The following BPI variants were observed in gnomAD, a reference collection of about 807,000 sequenced individuals.
BPI encodes bactericidal permeability increasing protein.
Under a neutral mutation model 57.6 loss-of-function variants are expected in BPI, and 48 were observed. The ratio of observed to expected loss-of-function variants is 0.83; its 90% CI spans 0.66 to 1.06. BPI has a LOEUF of 1.06. Among genes scored for constraint, BPI ranks in the 50% least tolerant of loss-of-function variants. The pLI is 0.00. For missense variants in BPI, 651 were observed against 609.7 expected, an observed-to-expected ratio of 1.07 and a Z score of -0.71; for synonymous variants, 237 against 238.2, an observed-to-expected ratio of 0.99 and a Z score of 0.05.
chr20:38,307,548 C>G lies in BPI; in HGVS notation c.131-19C>G. The G allele has an allele frequency of 6.3e-7, 1 of 1,585,250 alleles. No individual in the cohort carries two copies. Among genetic ancestry groups the G allele is most frequent in the South Asian group, 1.1e-5 (1 of 87,850 alleles). On this transcript the variant is annotated intron_variant, in intron 1 of 14. Transcript: ENST00000642449. ...TCCAGGCTGTGCCTCTCACTGTCAC[C>G]CCTGCCTTCTCCCTTCAGCCAGCCA...
intron 12 of BPI, among the ~76,000 whole-genome samples, chr20:38,332,537 G>T (rs1050441327): frequency 1.2e-4 from 18 of 152,108 alleles, no homozygotes; most frequent in Non-Finnish European, 2.9e-5. Flanking sequence ...GGCACAGTGG[G>T]GTATAACATG....
intron 7 of BPI, among the ~76,000 whole-genome samples, chr20:38,322,601 C>T (rs137912246): frequency 2.4e-4 from 36 of 152,292 alleles, no homozygotes; most frequent in African/African-American, 8.2e-4. Flanking sequence ...CTAGTCAGTA[C>T]ATAGGTCCAT....
rs1260660863 is a variant in BPI, at chr20:38,314,636, G to C, written c.600+2699G>C. Among the ~76,000 whole-genome samples, 5 of 148,820 alleles carry C rather than the reference G, an allele frequency of 3.4e-5. No individual in the cohort carries two copies. The East Asian group carries it at 1.0e-3, about 30-fold the overall frequency. ...TGGTGATGGTGGGGATGATGATGGT[G>C]GTGATGGTGATGGTGGGGATGATGA... On this transcript the variant is annotated intron_variant, in intron 5 of 14. Coordinates refer to ENST00000642449, the MANE Select transcript of BPI (RefSeq NM_001725.3).
Position 38,318,122 on chromosome 20 carries a change from A to C in BPI, c.601-291A>C, listed in dbSNP as rs1049436677. 393 of 460,514 alleles carry C rather than the reference A, an allele frequency of 8.5e-4. 1 individual carries two copies. Among genetic ancestry groups the C allele is most frequent in the Non-Finnish European group, 9.6e-4 (344 of 357,334 alleles). 28.5% of individuals were successfully genotyped at this position (460,514 alleles called of 1,614,324 possible). ...GAAAAAACAAAACAACAACAGCAAC[A>C]AAAAAAAAAAACCTTATAAAATAGA... On this transcript the variant is annotated intron_variant, in intron 5 of 14. Coordinates refer to ENST00000642449, the MANE Select transcript of BPI (RefSeq NM_001725.3).
chr20:38,337,064 C>T (rs1490092537), intron 14 of BPI, 82 bp from the exon 15 acceptor site: 2 of 1,443,592 alleles, frequency 1.4e-6, no homozygotes, highest in Non-Finnish European at 1.9e-6. Context: ...CCCAAAATGT[C>T]CTTCTTAAAA....
chr20:38,333,075 C>T lies in BPI; in HGVS notation c.1273-1355C>T, dbSNP rs1359801036. Among the ~76,000 whole-genome samples, 3 of 152,152 alleles carry T rather than the reference C, an allele frequency of 2.0e-5. No homozygotes were observed. In the East Asian group the frequency reaches 5.8e-4, roughly 29 times the overall value. ...AAGCCCTCCAACCCCAAAGTCATAC[C>T]GTCCCAGTGTCCCCTTCAAATCTGA... On this transcript the variant is annotated intron_variant, in intron 12 of 14. Coordinates refer to ENST00000642449, the MANE Select transcript of BPI (RefSeq NM_001725.3).
chr20:38,304,312 C>T lies in BPI; in HGVS notation c.89C>T (p.Pro30Leu). ...ACCGCCGTGACAGCGGCCGTCAACCCTGGCGTCGTGGTCAGGATCTCCCAG... is the reference window on the plus strand; with the variant it reads ...ACCGCCGTGACAGCGGCCGTCAACCTTGGCGTCGTGGTCAGGATCTCCCAG... ...IGTAVTAAVN[P>L]GVVVRISQKG... Residue 30 changes from proline (P) to leucine (L), a missense_variant, in exon 1 of 15, where the codon CCT becomes CTT. Physicochemically the swap from Pro to Leu is moderately conservative, Grantham distance 98. Transcript: ENST00000642449. 1 of 1,614,152 alleles carries T rather than the reference C, an allele frequency of 6.2e-7. No homozygotes were observed. Among genetic ancestry groups the T allele is most frequent in the Non-Finnish European group, 8.5e-7 (1 of 1,180,040 alleles).
chr20:38,305,264 A>C (rs1039871273), intron 1 of BPI, among the ~76,000 whole-genome samples: 9 of 152,238 alleles, frequency 5.9e-5, no homozygotes, highest in African/African-American at 2.2e-4. Flanking sequence ...GCCACAGAAG[A>C]CAGAAGAGCT....
chr20:38,337,434 G>A lies in BPI; in HGVS notation c.*250G>A, dbSNP rs1357253718. 3 of 376,414 alleles carry A rather than the reference G, an allele frequency of 8.0e-6. No individual in the cohort carries two copies. Among genetic ancestry groups the A allele is most frequent in the Admixed American group, 4.6e-5 (1 of 21,522 alleles). The allele number at this position is 376,414 out of a possible 1,614,324, so 23.3% of individuals were successfully genotyped here. ...TGCAGAGATATTTCCTCCAGGAATCGTGTTTCAATTGTAACCAAGAAATTT... is the reference window on the plus strand; with the variant it reads ...TGCAGAGATATTTCCTCCAGGAATCATGTTTCAATTGTAACCAAGAAATTT... On this transcript the variant is annotated 3_prime_UTR_variant, in exon 15 of 15. Transcript: ENST00000642449.
At chr20:38,324,926 T>A in intron 9 of BPI, 93 bp downstream of exon 9, 2 of 1,006,842 alleles carry the variant, frequency 2.0e-6, no homozygotes, top group Non-Finnish European at 1.6e-6. Flanking sequence ...CCACCCAACA[T>A]AACACACACA....
intron 9 of BPI, 27 bp from the exon 10 acceptor site, chr20:38,326,238 G>T: frequency 1.3e-6 from 2 of 1,592,752 alleles, no homozygotes; most frequent in Non-Finnish European, 8.6e-7. Context: ...TCCTCCTTTC[G>T]TTGATTGTCT....
chr20:38,326,481 C>A (rs1272820216), intron 10 of BPI, 49 bp downstream of exon 10: 7 of 1,550,396 alleles, frequency 4.5e-6, no homozygotes, highest in Admixed American at 1.9e-5. Context: ...ACAGTCCCAA[C>A]AGCACTGTCT....
At chr20:38,333,337 T>G (rs2076751324) in intron 12 of BPI, among the ~76,000 whole-genome samples, 1 of 152,210 alleles carries the variant, frequency 6.6e-6, no homozygotes. Flanking sequence ...GAGACTCAGT[T>G]GTTCCAGAAA....
intron 5 of BPI, among the ~76,000 whole-genome samples, chr20:38,313,821 GGATGATAATGGTGATGGTGAT>G (rs1158900712): frequency 6.8e-6 from 1 of 147,394 alleles, no homozygotes; most frequent in African/African-American, 2.5e-5. Context: ...GTGATGGTGA[GGATGATAATGGTGATGGTGAT>G]GATGGTGATG....
intron 9 of BPI, among the ~76,000 whole-genome samples, 173 bp downstream of exon 9, chr20:38,325,006 C>T (rs576845757): frequency 1.6e-4 from 25 of 152,162 alleles, no homozygotes; most frequent in Non-Finnish European, 2.4e-4. Context: ...AAGCTCCAAG[C>T]GCCCAGTTGA....
intron 5 of BPI, among the ~76,000 whole-genome samples, chr20:38,314,631 A>G (rs1445275772): frequency 2.2e-5 from 3 of 137,020 alleles, no homozygotes; most frequent in South Asian, 2.5e-4. Flanking sequence ...GGGGATGATG[A>G]TGGTGGTGAT....
intron 5 of BPI, chr20:38,318,096 AG>A: frequency 1.0e-6 from 1 of 958,310 alleles, no homozygotes; most frequent in Non-Finnish European, 1.2e-6. Flanking sequence ...CAGAAACAAA[AG>A]AAAAAACAAA....
intron 7 of BPI, 22 bp downstream of exon 7, chr20:38,320,296 A>G (rs2076674704): frequency 6.2e-7 from 1 of 1,605,944 alleles, no homozygotes; most frequent in African/African-American, 1.3e-5. Flanking sequence ...ACTGAGAATC[A>G]TACACCCTCA....
chr20:38,312,022 C>T, intron 5 of BPI, 85 bp downstream of exon 5: 1 of 1,377,472 alleles, frequency 7.3e-7, no homozygotes, highest in Non-Finnish European at 1.0e-6. Context: ...GGACACTCTG[C>T]TGTCACTCCA....
Sources: gnomAD v4.1 joint callset for allele counts (sites outside exome capture counted in the v4.1 genomes callset) on GRCh38, gnomAD v4.1.1 for gene constraint, MANE v1.5 for transcripts, NCBI Gene and HGNC (gene_info 2026-07-23, HGNC 2026-07-21) for gene names.